The following VTI1A variants were observed in gnomAD, a reference collection of about 807,000 sequenced individuals.
VTI1A encodes vesicle transport through interaction with t-SNAREs homolog 1A.
VTI1A carries 22 observed loss-of-function variants against 34.9 expected under a neutral mutation model. That is an observed-to-expected ratio of 0.63 (90% confidence interval 0.45 to 0.90). The LOEUF is 0.90. Among genes scored for constraint, VTI1A ranks in the 40% least tolerant of loss-of-function variants. The pLI is 0.00. For missense variants in VTI1A, 268 were observed against 275.6 expected (o/e 0.97, Z 0.20); for synonymous variants, 87 against 97.3 (o/e 0.89, Z 0.62).
chr10:112,620,946 A>G (rs1030238609), intron 5 of VTI1A, among the ~76,000 whole-genome samples: 1 of 152,184 alleles, frequency 6.6e-6, no homozygotes, highest in African/African-American at 2.4e-5. Context: ...GACCGGGACT[A>G]TTGGCAGAGC....
intron 5 of VTI1A, among the ~76,000 whole-genome samples, chr10:112,646,229 G>GA (rs916738958): frequency 2.6e-5 from 4 of 151,478 alleles, no homozygotes; most frequent in Non-Finnish European, 5.9e-5. Context: ...TGTGCATTCT[G>GA]AAAAAAACCA....
intron 5 of VTI1A, among the ~76,000 whole-genome samples, chr10:112,652,334 C>CAATGT (rs1195231394): frequency 1.3e-5 from 2 of 152,216 alleles, no homozygotes; most frequent in South Asian, 2.1e-4. Context: ...TGGCTGTCAC[C>CAATGT]GACTGTCTCA....
At position 112,447,372 on chromosome 10, in the gene VTI1A, C is replaced by T; in HGVS notation, c.-2C>T. 1 of 1,613,060 alleles carries T rather than the reference C, an allele frequency of 6.2e-7. No homozygotes were observed. Among genetic ancestry groups the T allele is most frequent in the Non-Finnish European group, 8.5e-7 (1 of 1,179,762 alleles). On this transcript the variant is annotated 5_prime_UTR_variant, in exon 1 of 8. Coordinates refer to ENST00000393077, the MANE Select transcript of VTI1A (RefSeq NM_145206.4). ...GCCTGGGCTACTCGTTCCGGAGCCG[C>T]CATGTCGTCCGACTTCGAAGGTTAC...
chr10:112,494,761 G>T (rs561366611), intron 3 of VTI1A, among the ~76,000 whole-genome samples: 1 of 152,162 alleles, frequency 6.6e-6, no homozygotes, highest in African/African-American at 2.4e-5. Context: ...TGATACACCT[G>T]CCTCAGCCTC....
intron 7 of VTI1A, among the ~76,000 whole-genome samples, chr10:112,736,202 C>T (rs1448063847): frequency 1.4e-5 from 2 of 143,786 alleles, no homozygotes; most frequent in African/African-American, 5.2e-5. Context: ...CTGGCTTTTT[C>T]TTTTTCTTCA....
chr10:112,628,657 G>T (rs887610437), intron 5 of VTI1A, among the ~76,000 whole-genome samples: 1 of 152,074 alleles, frequency 6.6e-6, no homozygotes, highest in African/African-American at 2.4e-5. Context: ...TATAATGTCT[G>T]TTCTCCTAGT....
At chr10:112,623,397 A>G (rs1334645995) in intron 5 of VTI1A, among the ~76,000 whole-genome samples, 3 of 151,612 alleles carry the variant, frequency 2.0e-5, no homozygotes, top group African/African-American at 7.3e-5. Flanking sequence ...ATATATACGT[A>G]GATATATTTT....
At chr10:112,741,472 A>T (rs1191045161) in intron 7 of VTI1A, among the ~76,000 whole-genome samples, 1 of 152,130 alleles carries the variant, frequency 6.6e-6, no homozygotes, top group Non-Finnish European at 1.5e-5. Flanking sequence ...GTTAACGGAT[A>T]TTGGGGTTTC....
At chr10:112,510,715 A>T (rs10509964) in intron 3 of VTI1A, among the ~76,000 whole-genome samples, 19,361 of 152,194 alleles carry the variant, frequency 0.13, 1,446 homozygotes, top group East Asian at 0.28. Flanking sequence ...TTCATTGCCA[A>T]ATAGTTTTAA....
intron 7 of VTI1A, among the ~76,000 whole-genome samples, chr10:112,798,281 G>A (rs1304247039): frequency 6.6e-6 from 1 of 152,210 alleles, no homozygotes; most frequent in Non-Finnish European, 1.5e-5. Context: ...CTGTCTCTCA[G>A]TTGGGCTTTC....
chr10:112,654,129 T>C (rs1429464634), intron 5 of VTI1A, among the ~76,000 whole-genome samples: 2 of 152,224 alleles, frequency 1.3e-5, no homozygotes, highest in Non-Finnish European at 2.9e-5. Context: ...TTAGGAGTTT[T>C]ACTAAAAGAA....
At chr10:112,829,053 A>C in the VTI1A span, among the ~76,000 whole-genome samples, 8 of 152,298 alleles carry the variant, frequency 5.3e-5, no homozygotes, top group East Asian at 9.7e-4. Flanking sequence ...TAAGGCAGGC[A>C]GTCTTGGTCG....
chr10:112,812,711 T>C (rs1853360867), intron 7 of VTI1A, among the ~76,000 whole-genome samples: 1 of 152,116 alleles, frequency 6.6e-6, no homozygotes, highest in Non-Finnish European at 1.5e-5. Flanking sequence ...CCCATCCCCT[T>C]CTACTCTTCC....
intron 5 of VTI1A, among the ~76,000 whole-genome samples, chr10:112,651,239 C>A (rs11196033): frequency 0.39 from 58,575 of 152,060 alleles, 12,509 homozygotes; most frequent in Non-Finnish European, 0.49. Context: ...TTAAATATGA[C>A]AAAATAGTTT....
intron 7 of VTI1A, among the ~76,000 whole-genome samples, chr10:112,719,603 A>G (rs1027421477): frequency 1.3e-5 from 2 of 151,826 alleles, no homozygotes; most frequent in African/African-American, 4.8e-5. Context: ...CTGCAGTGCA[A>G]TGGTGCGATC....
At chr10:112,787,846 C>T (rs1322536015) in intron 7 of VTI1A, among the ~76,000 whole-genome samples, 2 of 150,748 alleles carry the variant, frequency 1.3e-5, no homozygotes, top group Non-Finnish European at 3.0e-5. Flanking sequence ...GGATTACAGT[C>T]ACATGACACC....
intron 5 of VTI1A, among the ~76,000 whole-genome samples, chr10:112,581,197 T>G (rs1843920702): frequency 6.6e-6 from 1 of 152,232 alleles, no homozygotes; most frequent in Admixed American, 6.5e-5. Flanking sequence ...GTTCTCTTCC[T>G]CTGGGATTGC....
intron 7 of VTI1A, among the ~76,000 whole-genome samples, chr10:112,707,084 T>G (rs7095631): frequency 0.39 from 59,590 of 152,030 alleles, 15,343 homozygotes; most frequent in African/African-American, 0.73. Flanking sequence ...TCAGAAAGGG[T>G]TAAAGAACAA....
At chr10:112,815,065 A>G (rs528921261) in intron 7 of VTI1A, among the ~76,000 whole-genome samples, 7 of 151,476 alleles carry the variant, frequency 4.6e-5, no homozygotes, top group Admixed American at 2.0e-4. Flanking sequence ...CAGCGTGACA[A>G]TCATGTGGAG....
Sources: gnomAD v4.1 joint callset for allele counts (sites outside exome capture counted in the v4.1 genomes callset) on GRCh38, gnomAD v4.1.1 for gene constraint, MANE v1.5 for transcripts, NCBI Gene and HGNC (gene_info 2026-07-23, HGNC 2026-07-21) for gene names.